Variants in SLC4A4 observed in about 807,000 individuals in gnomAD.
The protein encoded by SLC4A4 is electrogenic sodium bicarbonate cotransporter 1.
Under a neutral mutation model 111.5 loss-of-function variants are expected in SLC4A4, and 27 were observed. The ratio of observed to expected loss-of-function variants is 0.24; its 90% confidence interval spans 0.18 to 0.33. The LOEUF (loss-of-function observed/expected upper bound fraction) is 0.33. Among genes scored for constraint, SLC4A4 ranks in the 10% least tolerant of loss-of-function variants. The pLI is 1.00. For missense variants in SLC4A4, 909 were observed against 1,315.5 expected, an observed-to-expected ratio of 0.69 and a Z score of 4.78; for synonymous variants, 443 against 463.4, an observed-to-expected ratio of 0.96 and a Z score of 0.57.
intron 2 of SLC4A4, among the ~76,000 whole-genome samples, chr4:71,123,976 T>C (rs776610699): frequency 1.3e-5 from 2 of 152,200 alleles, no homozygotes; most frequent in Non-Finnish European, 2.9e-5. Context: ...AAGTTGCTGT[T>C]GGCTCACTAG....
chr4:71,205,568 T>A (rs1269146530), intron 1 of SLC4A4, among the ~76,000 whole-genome samples: 2 of 152,178 alleles, frequency 1.3e-5, no homozygotes, highest in Non-Finnish European at 2.9e-5. Flanking sequence ...TATTTTTTTC[T>A]GGAGAAGTAT....
At chr4:71,246,460 A>G (rs528942697) in intron 2 of SLC4A4, among the ~76,000 whole-genome samples, 2 of 152,316 alleles carry the variant, frequency 1.3e-5, no homozygotes, top group South Asian at 4.1e-4. Flanking sequence ...AAGTGGAAAG[A>G]CCTGAAAGGA....
intron 2 of SLC4A4, among the ~76,000 whole-genome samples, chr4:71,135,233 T>C (rs1050390889): frequency 6.6e-6 from 1 of 152,132 alleles, no homozygotes; most frequent in South Asian, 2.1e-4. Flanking sequence ...AATGGCTAAA[T>C]TGAGCTAATT....
At chr4:71,232,137 CAGGGAAG>C (rs2149033069) in intron 1 of SLC4A4, among the ~76,000 whole-genome samples, 1 of 152,246 alleles carries the variant, frequency 6.6e-6, no homozygotes, top group East Asian at 1.9e-4. Flanking sequence ...TTGCTTCCTA[CAGGGAAG>C]AGGCTGCTTT....
intron 18 of SLC4A4, among the ~76,000 whole-genome samples, chr4:71,544,974 A>G (rs1432027597): frequency 6.6e-6 from 1 of 152,020 alleles, no homozygotes; most frequent in Non-Finnish European, 1.5e-5. Flanking sequence ...CAGATATATC[A>G]TGGTATTCAC....
intron 2 of SLC4A4, among the ~76,000 whole-genome samples, chr4:71,101,717 G>T (rs1229763134): frequency 2.0e-5 from 3 of 152,234 alleles, no homozygotes; most frequent in African/African-American, 7.2e-5. Flanking sequence ...GGTCCTGTCT[G>T]TTAGAAGGAA....
intron 7 of SLC4A4, among the ~76,000 whole-genome samples, chr4:71,424,206 A>G (rs1215972612): frequency 6.6e-6 from 1 of 152,174 alleles, no homozygotes; most frequent in Admixed American, 6.6e-5. Flanking sequence ...TTCTCAAAAG[A>G]AGACATTTAT....
At chr4:71,327,113 A>G (rs1299283073) in intron 3 of SLC4A4, among the ~76,000 whole-genome samples, 1 of 151,982 alleles carries the variant, frequency 6.6e-6, no homozygotes, top group African/African-American at 2.4e-5. Flanking sequence ...CATTGTGATC[A>G]CTATTTCTAT....
At chr4:71,382,303 G>C (rs1009808911) in intron 6 of SLC4A4, among the ~76,000 whole-genome samples, 1 of 152,098 alleles carries the variant, frequency 6.6e-6, no homozygotes, top group Non-Finnish European at 1.5e-5. Flanking sequence ...TTCTTCAAAG[G>C]ACCTTTGTAC....
chr4:71,449,086 A>G (rs1467744275), intron 9 of SLC4A4, among the ~76,000 whole-genome samples: 2 of 152,166 alleles, frequency 1.3e-5, no homozygotes, highest in African/African-American at 4.8e-5. Context: ...GGAAGTTTGG[A>G]GGTAGGTAGT....
intron 3 of SLC4A4, among the ~76,000 whole-genome samples, chr4:71,264,636 C>G (rs910295671): frequency 1.3e-5 from 2 of 152,084 alleles, no homozygotes; most frequent in African/African-American, 4.8e-5. Context: ...CAGATTCACC[C>G]AGTATCCAGA....
intron 2 of SLC4A4, among the ~76,000 whole-genome samples, chr4:71,093,741 T>G (rs143707279): frequency 6.6e-6 from 1 of 152,282 alleles, no homozygotes; most frequent in African/African-American, 2.4e-5. Context: ...GATATTAAAG[T>G]TTTTCTTTTC....
chr4:71,357,652 G>C (rs1730405877), intron 6 of SLC4A4, among the ~76,000 whole-genome samples: 1 of 152,172 alleles, frequency 6.6e-6, no homozygotes, highest in Non-Finnish European at 1.5e-5. Context: ...CTATATAAAT[G>C]ATGACTTCAT....
chr4:71,388,937 T>C (rs1028477320), intron 6 of SLC4A4, among the ~76,000 whole-genome samples: 10 of 152,206 alleles, frequency 6.6e-5, no homozygotes, highest in Non-Finnish European at 1.3e-4. Flanking sequence ...AGCATTTTGC[T>C]TTTGCTGGTT....
intron 8 of SLC4A4, among the ~76,000 whole-genome samples, chr4:71,441,021 C>T (rs1270211711): frequency 6.6e-6 from 1 of 152,012 alleles, no homozygotes; most frequent in Non-Finnish European, 1.5e-5. Flanking sequence ...CTACTTAATC[C>T]TTACAATAAT....
chr4:71,529,028 T>C (rs903092440), intron 16 of SLC4A4, among the ~76,000 whole-genome samples: 7 of 152,116 alleles, frequency 4.6e-5, no homozygotes, highest in Non-Finnish European at 8.8e-5. Flanking sequence ...GATAGAATTA[T>C]GGTTCTTCAG....
intron 1 of SLC4A4, among the ~76,000 whole-genome samples, chr4:71,076,456 C>T (rs1165760315): frequency 6.6e-6 from 1 of 151,454 alleles, no homozygotes; most frequent in Non-Finnish European, 1.5e-5. Flanking sequence ...CACTTAAACC[C>T]GGGAGGAGGA....
At chr4:71,078,560 A>C (rs1449915542) in intron 1 of SLC4A4, among the ~76,000 whole-genome samples, 1 of 152,228 alleles carries the variant, frequency 6.6e-6, no homozygotes, top group East Asian at 1.9e-4. Context: ...AATGATTTTA[A>C]AAAAATTGAT....
intron 1 of SLC4A4, among the ~76,000 whole-genome samples, chr4:71,218,480 G>A (rs967710155): frequency 2.0e-5 from 3 of 152,110 alleles, no homozygotes; most frequent in African/African-American, 7.2e-5. Context: ...AACTCAAAAT[G>A]TATTTCACTG....
Sources: gnomAD v4.1 joint callset for allele counts (sites outside exome capture counted in the v4.1 genomes callset) on GRCh38, gnomAD v4.1.1 for gene constraint, MANE v1.5 for transcripts, NCBI Gene and HGNC (gene_info 2026-07-23, HGNC 2026-07-21) for gene names.